The following ANO2 variants were observed in gnomAD, a reference collection of about 807,000 sequenced individuals.
ANO2 encodes anoctamin 2, also known as anoctamin-2.
In ANO2, 101 loss-of-function variants were observed where a neutral mutation model predicts 124.2. The ratio of observed to expected loss-of-function variants is 0.81; its 90% confidence interval spans 0.69 to 0.96. ANO2 has a LOEUF of 0.96. ANO2 is among the 40% of genes least tolerant of loss of function. ANO2 has a pLI of 0.00. For missense variants in ANO2, 1,293 were observed against 1,274.5 expected, an observed-to-expected ratio of 1.01 and a Z score of -0.22; for synonymous variants, 486 against 482.5, an observed-to-expected ratio of 1.01 and a Z score of -0.09.
intron 20 of ANO2, among the ~76,000 whole-genome samples, chr12:5,587,924 A>G (rs749938179): frequency 7.2e-5 from 11 of 152,090 alleles, no homozygotes; most frequent in Non-Finnish European, 1.0e-4. Flanking sequence ...GAAAAATGTA[A>G]ATATAATACA....
rs1555184614 is a variant in ANO2, at chr12:5,923,170, A to ACACACACACACACATG, written c.23-367_23-366insCATGTGTGTGTGTGTG. On this transcript the variant is annotated intron_variant, in intron 1 of 24. Transcript: ENST00000682330. The stretch of plus-strand genomic sequence containing the variant: ...CACACATACACACACGCATACACAC[A>ACACACACACACACATG]CACGCACACACACATACACACACAC... 4.9e-5 allele frequency among the ~76,000 whole-genome samples: 3 copies of ACACACACACACACATG among 61,682 alleles called. 1 individual carries two copies. The highest frequency in any genetic ancestry group is 1.3e-4 in the African/African-American group (3 of 22,656). 40.5% of individuals were successfully genotyped at this position (61,682 alleles called of 152,430 possible). A position where few individuals can be genotyped will look rare whatever the true frequency, so the allele number is the denominator to read the frequency against.
intron 19 of ANO2, among the ~76,000 whole-genome samples, chr12:5,607,037 T>C (rs890273062): frequency 2.0e-5 from 3 of 150,194 alleles, no homozygotes; most frequent in Non-Finnish European, 4.4e-5. Flanking sequence ...CAATCACCCA[T>C]CTAACCCCCC....
chr12:5,767,394 C>T (rs866895343), intron 10 of ANO2, among the ~76,000 whole-genome samples: 7 of 152,200 alleles, frequency 4.6e-5, no homozygotes, highest in Admixed American at 4.6e-4. Flanking sequence ...ACAGGGCCAA[C>T]GTGGTTTCTG....
At chr12:5,865,958 C>T (rs147369755) in intron 3 of ANO2, among the ~76,000 whole-genome samples, 249 of 152,330 alleles carry the variant, frequency 1.6e-3, no homozygotes, top group African/African-American at 5.4e-3. Flanking sequence ...TTTGTCATCT[C>T]CCCTTTCACT....
chr12:5,916,628 G>A (rs1432678286), intron 3 of ANO2, among the ~76,000 whole-genome samples: 1 of 151,202 alleles, frequency 6.6e-6, no homozygotes, highest in East Asian at 1.9e-4. Context: ...TAATAATACA[G>A]GAAACTGGGA....
At chr12:5,935,214 CTA>C (rs1281557250) in intron 1 of ANO2, among the ~76,000 whole-genome samples, 1 of 152,158 alleles carries the variant, frequency 6.6e-6, no homozygotes, top group Non-Finnish European at 1.5e-5. Context: ...GGCATAGTAC[CTA>C]TCTTATTCAC....
intron 20 of ANO2, among the ~76,000 whole-genome samples, chr12:5,596,967 G>C (rs1591698181): frequency 6.6e-6 from 1 of 152,028 alleles, no homozygotes; most frequent in Non-Finnish European, 1.5e-5. Context: ...AGACACATAG[G>C]AGTCTTGATA....
chr12:5,603,817 C>T (rs1442403824), intron 19 of ANO2, among the ~76,000 whole-genome samples: 2 of 151,818 alleles, frequency 1.3e-5, no homozygotes, highest in South Asian at 2.1e-4. Context: ...CGGTGGTGGG[C>T]GCCTGTAGTC....
chr12:5,867,072 G>A (rs1197717622), intron 3 of ANO2, among the ~76,000 whole-genome samples: 1 of 152,232 alleles, frequency 6.6e-6, no homozygotes, highest in Non-Finnish European at 1.5e-5. Flanking sequence ...GACCTTCGGA[G>A]GAGGCAGTTT....
chr12:5,665,536 C>T (rs1165806503), intron 14 of ANO2, among the ~76,000 whole-genome samples: 3 of 152,324 alleles, frequency 2.0e-5, no homozygotes, highest in East Asian at 1.9e-4. Flanking sequence ...GCAATGAGCA[C>T]TCCTGTGCTC....
At chr12:5,909,907 C>T (rs1003879279) in intron 3 of ANO2, among the ~76,000 whole-genome samples, 4 of 152,256 alleles carry the variant, frequency 2.6e-5, no homozygotes, top group Admixed American at 2.0e-4. Flanking sequence ...TCAGGACAGT[C>T]AGATGAAATC....
At chr12:5,741,594 A>T (rs1951097364) in intron 12 of ANO2, among the ~76,000 whole-genome samples, 1 of 152,154 alleles carries the variant, frequency 6.6e-6, no homozygotes, top group Non-Finnish European at 1.5e-5. Flanking sequence ...GACTGAAGGA[A>T]TGATGAGAGG....
chr12:5,668,395 G>GTTTTTTTTTTTTTTTTTT (rs539092061), intron 14 of ANO2, among the ~76,000 whole-genome samples: 4 of 149,104 alleles, frequency 2.7e-5, no homozygotes, highest in African/African-American at 9.9e-5. Flanking sequence ...ACTTTTTAAT[G>GTTTTTTTTTTTTTTTTTT]TTTTTTTTTT....
At chr12:5,627,418 G>A (rs372020191) in intron 16 of ANO2, among the ~76,000 whole-genome samples, 14 of 152,144 alleles carry the variant, frequency 9.2e-5, no homozygotes, top group South Asian at 4.1e-4. Flanking sequence ...GCACTGTGGC[G>A]TCCCCGCAGA....
chr12:5,882,997 T>C (rs1440182354), intron 3 of ANO2, among the ~76,000 whole-genome samples: 2 of 152,188 alleles, frequency 1.3e-5, no homozygotes, highest in African/African-American at 4.8e-5. Context: ...AGATGCTTCC[T>C]GTGGCTTCCC....
intron 3 of ANO2, among the ~76,000 whole-genome samples, chr12:5,871,865 C>A (rs551939323): frequency 2.0e-5 from 3 of 152,272 alleles, no homozygotes; most frequent in African/African-American, 7.2e-5. Flanking sequence ...AAACTCATAG[C>A]CCAGAAAGAG....
intron 19 of ANO2, among the ~76,000 whole-genome samples, chr12:5,607,330 C>A (rs1371597086): frequency 2.6e-5 from 4 of 152,016 alleles, no homozygotes; most frequent in African/African-American, 9.7e-5. Flanking sequence ...AAGAATGGTT[C>A]TTTTTTCCTC....
chr12:5,854,228 C>A lies in ANO2; in HGVS notation c.535-87G>T. 4 of 1,210,266 alleles carry A rather than the reference C, an allele frequency of 3.3e-6. No individual in the cohort carries two copies. The South Asian group carries it at 5.1e-5, about 15-fold the overall frequency. 75.0% of individuals were successfully genotyped at this position (1,210,266 alleles called of 1,614,324 possible). Reference sequence around the variant, plus strand: ...TTCTTCAACTGTTCCACACAAGGAGCCCAACCCGTTGTTCTTCAGTTTCTC... The same window carrying A: ...TTCTTCAACTGTTCCACACAAGGAGACCAACCCGTTGTTCTTCAGTTTCTC... On this transcript the variant is annotated intron_variant, in intron 3 of 24. Coordinates refer to ENST00000682330, the MANE Select transcript of ANO2 (RefSeq NM_001364791.2).
At chr12:5,578,217 T>A in intron 21 of ANO2, 149 bp downstream of exon 21, 1 of 1,264,004 alleles carries the variant, frequency 7.9e-7, no homozygotes. Context: ...TCAGAAGGCG[T>A]CCCTGCACTT....
Sources: allele counts gnomAD v4.1 joint callset (sites outside exome capture counted in the v4.1 genomes callset), GRCh38; gene constraint gnomAD v4.1.1; transcripts MANE v1.5; gene names NCBI Gene and HGNC (gene_info 2026-07-23, HGNC 2026-07-21).